LIFR: variants seen among roughly 807,000 people sequenced by gnomAD.
LIFR encodes LIF receptor subunit alpha, also known as leukemia inhibitory factor receptor.
Under a neutral mutation model 122.2 loss-of-function variants are expected in LIFR, and 84 were observed. That is an observed-to-expected ratio of 0.69 (90% CI 0.58 to 0.82). The LOEUF (loss-of-function observed/expected upper bound fraction) is 0.82. Among genes scored for constraint, LIFR ranks in the 40% least tolerant of loss-of-function variants. The pLI is 0.00. For synonymous variants in LIFR, 422 were observed against 434.7 expected (o/e 0.97, Z 0.36); for missense variants, 1,294 against 1,311.6 (o/e 0.99, Z 0.21).
chr5:38,577,423 G>A (rs772121911), intron 1 of LIFR, among the ~76,000 whole-genome samples: 4 of 152,072 alleles, frequency 2.6e-5, no homozygotes, highest in African/African-American at 7.2e-5. Context: ...AAATCTCCCC[G>A]GTGCCAGTCA....
At chr5:38,485,743 TCCTACA>T in intron 17 of LIFR, 70 bp downstream of exon 17, 1 of 1,530,130 alleles carries the variant, frequency 6.5e-7, no homozygotes. Flanking sequence ...GGGGAGGGGT[TCCTACA>T]TAAACCAAGA....
rs1478566289 is a variant in LIFR at position 38,512,354 on chromosome 5, A to G, written c.562-390T>C. 1.3e-4 allele frequency among the ~76,000 whole-genome samples: 20 copies of G among 152,026 alleles called. 1 individual carries two copies. Among genetic ancestry groups the G allele is most frequent in the Admixed American group, 1.3e-3 (20 of 15,256 alleles). ...AAAATCTGCCTGGACAGTGGCTCAC[A>G]CCTGTAATTTACCCAGCACTTTGGG... On this transcript the variant is annotated intron_variant, in intron 5 of 19. Coordinates refer to ENST00000453190, the MANE Select transcript of LIFR (RefSeq NM_001127671.2).
rs1182336769 is a variant in LIFR, at chr5:38,523,732, T to G, written c.398-150A>C. On this transcript the variant is annotated intron_variant, in intron 4 of 19. Coordinates refer to ENST00000453190, the MANE Select transcript of LIFR (RefSeq NM_001127671.2). ...TTTAAAAGGAAACTCTAGAACCCAG[T>G]AATAAGGACATGGACTGAGATGCCA... is the stretch of plus-strand genomic sequence containing the variant. The G allele has an allele frequency of 4.5e-6, 3 of 663,854 alleles. No individual in the cohort carries two copies. The African/African-American group carries it at 5.5e-5, about 12-fold the overall frequency. The allele number at this position is 663,854 out of a possible 1,614,324, so 41.1% of individuals were successfully genotyped here.
At chr5:38,561,356 A>C (rs978023882), upstream of LIFR, among the ~76,000 whole-genome samples, 1 of 152,174 alleles carries the variant, frequency 6.6e-6, no homozygotes, top group Non-Finnish European at 1.5e-5. Flanking sequence ...TGTTTTCCCT[A>C]GCCTTTGAAG....
chr5:38,580,111 A>T (rs1749532382), intron 1 of LIFR, among the ~76,000 whole-genome samples: 1 of 152,254 alleles, frequency 6.6e-6, no homozygotes, highest in Non-Finnish European at 1.5e-5. Flanking sequence ...GTTATAAATT[A>T]GTATAAAAGT....
intron 1 of LIFR, among the ~76,000 whole-genome samples, chr5:38,539,054 G>A (rs938907562): frequency 2.6e-5 from 4 of 151,940 alleles, no homozygotes; most frequent in African/African-American, 9.7e-5. Flanking sequence ...TCTGCCTCCC[G>A]TGTTCACGCC....
chr5:38,574,188 A>AG (rs1749309058), intron 1 of LIFR, among the ~76,000 whole-genome samples: 1 of 151,832 alleles, frequency 6.6e-6, no homozygotes, highest in Non-Finnish European at 1.5e-5. Context: ...CTGCCACTGC[A>AG]TCTGGTCTTC....
intron 2 of LIFR, among the ~76,000 whole-genome samples, chr5:38,604,207 C>A (rs189329325): frequency 1.3e-5 from 2 of 152,280 alleles, no homozygotes; most frequent in East Asian, 3.9e-4. Context: ...CTGGGCAGAA[C>A]TTTTCTTCGC....
Position 38,506,068 on chromosome 5 carries a change from T to C in LIFR, c.1128A>G (p.Ser376=), listed in dbSNP as rs754706392. 1.3e-6 allele frequency: 2 copies of C among 1,586,534 alleles called. No individual in the cohort carries two copies. The highest frequency in any genetic ancestry group is 1.7e-5 in the Admixed American group (1 of 58,240). ...CTCTTTTAAGTCTAACATATTTTCC[T>C]GAAAAACTGTTAATTAACAGAAAAA... ...ATSYTLVESF[S]GKYVRLKRAE... The change falls in exon 9 of 20, where the codon TCA becomes TCG. Residue 376 remains serine, a synonymous_variant. Coordinates refer to ENST00000453190, the MANE Select transcript of LIFR (RefSeq NM_001127671.2).
chr5:38,577,964 G>A (rs575899085), intron 1 of LIFR, among the ~76,000 whole-genome samples: 1 of 152,262 alleles, frequency 6.6e-6, no homozygotes, highest in East Asian at 1.9e-4. Context: ...ACCCTCCATG[G>A]TGCCTTCTTA....
Position 38,537,617 on chromosome 5 carries a change from G to C in LIFR, c.-19-6951C>G, listed in dbSNP as rs376056097. On this transcript the variant is annotated intron_variant, in intron 1 of 19. Transcript: ENST00000453190. ...GAAAACTTATCTCTAAAAAGAAACA[G>C]GAACATCTCCATTTCCCAGTACTTC... 1.1e-4 allele frequency among the ~76,000 whole-genome samples: 16 copies of C among 151,890 alleles called. 1 individual carries two copies. Among genetic ancestry groups the C allele is most frequent in the East Asian group, 7.7e-4 (4 of 5,182 alleles).
chr5:38,536,820 C>A (rs940148380), intron 1 of LIFR, among the ~76,000 whole-genome samples: 1 of 152,176 alleles, frequency 6.6e-6, no homozygotes, highest in Non-Finnish European at 1.5e-5. Flanking sequence ...CTTCAATATG[C>A]GTTCTGCATG....
intron 15 of LIFR, among the ~76,000 whole-genome samples, chr5:38,489,591 T>C (rs1407472909): frequency 1.3e-5 from 2 of 152,206 alleles, no homozygotes; most frequent in Non-Finnish European, 2.9e-5. Flanking sequence ...AGTTAATAGT[T>C]TTTTAAACTT....
intron 1 of LIFR, among the ~76,000 whole-genome samples, chr5:38,564,362 A>G (rs1373539051): frequency 6.6e-6 from 1 of 151,864 alleles, no homozygotes; most frequent in African/African-American, 2.4e-5. Context: ...AGCTGGGACT[A>G]CAGACACACC....
chr5:38,539,024 G>C (rs1041721590), intron 1 of LIFR, among the ~76,000 whole-genome samples: 1 of 151,892 alleles, frequency 6.6e-6, no homozygotes, highest in African/African-American at 2.4e-5. Context: ...GCAGTGGCGC[G>C]ATCTCGGCTC....
At chr5:38,483,440 T>C (rs921439479) in intron 18 of LIFR, among the ~76,000 whole-genome samples, 2 of 152,194 alleles carry the variant, frequency 1.3e-5, no homozygotes, top group Non-Finnish European at 2.9e-5. Context: ...TTGGTTTTTT[T>C]GAGACAGAGT....
chr5:38,479,221 G>C lies in LIFR; in HGVS notation c.*2374C>G, dbSNP rs1328670449. ...AAGAAGGAAAACTGCTTTGGCCCCAGACATAAATCACATTCTTTTAAGCAC... is the reference window on the plus strand; with the variant it reads ...AAGAAGGAAAACTGCTTTGGCCCCACACATAAATCACATTCTTTTAAGCAC... On this transcript the variant is annotated 3_prime_UTR_variant, in exon 20 of 20. Coordinates refer to ENST00000453190, the MANE Select transcript of LIFR (RefSeq NM_001127671.2). 4.3e-6 allele frequency: 1 copy of C among 231,914 alleles called. No homozygotes were observed. The highest frequency in any genetic ancestry group is 8.5e-6 in the Non-Finnish European group (1 of 117,202). 14.4% of individuals were successfully genotyped at this position (231,914 alleles called of 1,614,324 possible).
upstream of LIFR, among the ~76,000 whole-genome samples, chr5:38,598,395 C>T (rs1299955945): frequency 2.6e-5 from 4 of 151,432 alleles, no homozygotes; most frequent in African/African-American, 9.7e-5. Flanking sequence ...TACAGGCATG[C>T]ACCACCATGC....
chr5:38,592,931 G>A (rs935959909), intron 1 of LIFR, among the ~76,000 whole-genome samples: 15 of 151,576 alleles, frequency 9.9e-5, no homozygotes, highest in Non-Finnish European at 1.8e-4. Flanking sequence ...GCAGCTGGGC[G>A]TGGTGGCTCA....
Sources: gnomAD v4.1 joint callset for allele counts (sites outside exome capture counted in the v4.1 genomes callset) on GRCh38, gnomAD v4.1.1 for gene constraint, MANE v1.5 for transcripts, NCBI Gene and HGNC (gene_info 2026-07-23, HGNC 2026-07-21) for gene names.